DTNA: variants seen among roughly 807,000 people sequenced by gnomAD.
DTNA encodes dystrobrevin alpha, also known as dystrophin-related protein 3.
A neutral mutation model predicts 100.7 loss-of-function variants in DTNA; 43 were observed. The ratio of observed to expected loss-of-function variants is 0.43; its 90% confidence interval spans 0.33 to 0.55. The LOEUF (loss-of-function observed/expected upper bound fraction) is 0.55, where lower values mean the gene tolerates loss of function less well. DTNA is among the 20% of genes least tolerant of loss of function. The pLI, the probability that DTNA is intolerant of heterozygous loss-of-function variation, is 0.04. For missense variants in DTNA, 798 were observed against 953.9 expected, an observed-to-expected ratio of 0.84 and a Z score of 2.15; for synonymous variants, 349 against 347.9, an observed-to-expected ratio of 1.00 and a Z score of -0.04.
intron 1 of DTNA, among the ~76,000 whole-genome samples, chr18:34,501,505 A>T (rs187928330): frequency 1.3e-5 from 2 of 152,060 alleles, no homozygotes; most frequent in Admixed American, 1.3e-4. Flanking sequence ...TCCCTCTTCT[A>T]TTTTCTGAAA....
intron 1 of DTNA, among the ~76,000 whole-genome samples, chr18:34,572,059 A>G (rs1354353468): frequency 6.6e-6 from 1 of 152,214 alleles, no homozygotes; most frequent in Non-Finnish European, 1.5e-5. Flanking sequence ...ATCTTAATGC[A>G]TAATATATAT....
intron 1 of DTNA, among the ~76,000 whole-genome samples, chr18:34,702,464 T>C (rs2081510386): frequency 6.6e-6 from 1 of 152,208 alleles, no homozygotes; most frequent in African/African-American, 2.4e-5. Context: ...AACTGCTAGA[T>C]TGGCCTTTCT....
chr18:34,880,320 AC>A (rs1259876769), intron 20 of DTNA, among the ~76,000 whole-genome samples: 1 of 152,190 alleles, frequency 6.6e-6, no homozygotes, highest in Non-Finnish European at 1.5e-5. Context: ...TCCCCACTAG[AC>A]TTTCTGTGAC....
intron 1 of DTNA, among the ~76,000 whole-genome samples, chr18:34,657,584 A>T (rs931862185): frequency 2.0e-5 from 3 of 152,140 alleles, no homozygotes; most frequent in Non-Finnish European, 4.4e-5. Flanking sequence ...CAACCATTTA[A>T]TTTTTCTTTA....
At chr18:34,590,399 A>G (rs2049590095) in intron 1 of DTNA, among the ~76,000 whole-genome samples, 3 of 152,214 alleles carry the variant, frequency 2.0e-5, no homozygotes, top group Admixed American at 2.0e-4. Context: ...TATGACAAAA[A>G]TATTAGCTAT....
At position 34,889,945 on chromosome 18, in the gene DTNA, A is replaced by C; in HGVS notation, c.*2211A>C. ...ACCTCTCTAGATGGAGCAGGTGGCC[A>C]CTGGTGCCTCATACTCAGTATTGAA... On this transcript the variant is annotated 3_prime_UTR_variant, in exon 23 of 23. Transcript: ENST00000444659. The C allele has an allele frequency of 9.4e-7, 1 of 1,058,296 alleles. No homozygotes were observed. 65.6% of individuals were successfully genotyped at this position (1,058,296 alleles called of 1,614,324 possible).
intron 1 of DTNA, among the ~76,000 whole-genome samples, chr18:34,551,336 C>T (rs939121155): frequency 1.3e-5 from 2 of 152,096 alleles, no homozygotes; most frequent in South Asian, 4.1e-4. Flanking sequence ...CACAGGTGTT[C>T]GCCTCACCAC....
intron 3 of DTNA, among the ~76,000 whole-genome samples, chr18:34,770,820 T>G (rs1842414): frequency 0.013 from 1,898 of 151,600 alleles, 30 homozygotes; most frequent in African/African-American, 0.043. Flanking sequence ...TTTGCTCTTT[T>G]TGCCCAGGCT....
chr18:34,719,896 A>G (rs749570907), intron 1 of DTNA, among the ~76,000 whole-genome samples: 32 of 152,170 alleles, frequency 2.1e-4, no homozygotes, highest in Non-Finnish European at 4.6e-4. Flanking sequence ...GAAATGTTCT[A>G]TATACTCATC....
At chr18:34,558,816 T>G (rs754043749) in intron 1 of DTNA, among the ~76,000 whole-genome samples, 3 of 152,082 alleles carry the variant, frequency 2.0e-5, no homozygotes, top group Non-Finnish European at 4.4e-5. Flanking sequence ...GTATGTGCTG[T>G]TATTGAGGAA....
In DTNA at chr18:34,638,828, G is replaced by A. The variant is rs1266580336; in HGVS notation, c.-1-117148G>A. On this transcript the variant is annotated intron_variant, in intron 1 of 19. Transcript: ENST00000283365. ...TTATTGATCACTTACTGTTTTCCAG[G>A]CATTGTTTTTGTTTGTTTGTTTTGT... Among the ~76,000 whole-genome samples, 7 of 151,978 alleles carry A rather than the reference G, an allele frequency of 4.6e-5. No individual in the cohort carries two copies. The South Asian group carries it at 1.2e-3, about 27-fold the overall frequency.
chr18:34,833,615 G>A (rs1018686914), intron 11 of DTNA, among the ~76,000 whole-genome samples: 4 of 152,086 alleles, frequency 2.6e-5, no homozygotes, highest in African/African-American at 9.7e-5. Flanking sequence ...GCCCTCAAAG[G>A]TATGGCTGTT....
chr18:34,744,033 C>T (rs16965836), intron 1 of DTNA, among the ~76,000 whole-genome samples: 16,725 of 152,052 alleles, frequency 0.11, 1,304 homozygotes, highest in African/African-American at 0.22. Flanking sequence ...CTTTTCCCAG[C>T]GAATCAAAAT....
intron 1 of DTNA, among the ~76,000 whole-genome samples, chr18:34,565,614 G>A (rs1265297803): frequency 6.6e-6 from 1 of 152,154 alleles, no homozygotes; most frequent in Non-Finnish European, 1.5e-5. Context: ...AGCATTCTTT[G>A]GCTTGTGGCA....
intron 4 of DTNA, 85 bp downstream of exon 4, chr18:34,794,335 A>T (rs955286544): frequency 2.7e-6 from 4 of 1,456,732 alleles, no homozygotes; most frequent in Non-Finnish European, 2.9e-6. Context: ...AAACAATTTT[A>T]TATCTCTCTC....
intron 4 of DTNA, among the ~76,000 whole-genome samples, chr18:34,804,584 A>C (rs2095312495): frequency 6.6e-6 from 1 of 152,218 alleles, no homozygotes; most frequent in Non-Finnish European, 1.5e-5. Flanking sequence ...ACCCCAACTC[A>C]GGATTCATTT....
At chr18:34,871,074 G>A (rs977701592) in intron 17 of DTNA, among the ~76,000 whole-genome samples, 1 of 152,160 alleles carries the variant, frequency 6.6e-6, no homozygotes, top group African/African-American at 2.4e-5. Context: ...TGCTAGGTGC[G>A]GCCAGGCATG....
chr18:34,744,100 T>C (rs546973778), intron 1 of DTNA, among the ~76,000 whole-genome samples: 2 of 152,228 alleles, frequency 1.3e-5, no homozygotes, highest in Non-Finnish European at 2.9e-5. Context: ...GCAACCAAAT[T>C]AAGTATACTA....
At chr18:34,629,931 A>G (rs1599306109) in intron 1 of DTNA, among the ~76,000 whole-genome samples, 1 of 152,324 alleles carries the variant, frequency 6.6e-6, no homozygotes, top group South Asian at 2.1e-4. Context: ...TCAGCAGCCC[A>G]GTCCAGAGAA....
Sources: gnomAD v4.1 joint callset for allele counts (sites outside exome capture counted in the v4.1 genomes callset) on GRCh38, gnomAD v4.1.1 for gene constraint, MANE v1.5 for transcripts, NCBI Gene and HGNC (gene_info 2026-07-23, HGNC 2026-07-21) for gene names.